SLC2A3: variants seen among roughly 807,000 people sequenced by gnomAD.
The protein encoded by SLC2A3 is solute carrier family 2, facilitated glucose transporter member 3.
Under a neutral mutation model 46.4 loss-of-function variants are expected in SLC2A3, and 21 were observed. The ratio of observed to expected loss-of-function variants is 0.45; its 90% confidence interval spans 0.32 to 0.65. The LOEUF (loss-of-function observed/expected upper bound fraction) is 0.65. Ranked by LOEUF, SLC2A3 falls within the 30% of genes least tolerant of loss-of-function variation. SLC2A3 has a pLI of 0.04. For synonymous variants in SLC2A3, 213 were observed against 239.4 expected (o/e 0.89, Z 1.02); for missense variants, 499 against 623.3 (o/e 0.80, Z 2.12).
At chr12:7,929,616 C>T (rs758871596) in intron 6 of SLC2A3, 68 bp downstream of exon 6, 14 of 1,573,916 alleles carry the variant, frequency 8.9e-6, no homozygotes, top group Middle Eastern at 1.7e-4. Context: ...AGAGGCACAC[C>T]GCCACCATGC....
rs944010333 is a variant in SLC2A3, at chr12:7,931,535, T to A, written c.270-50A>T. 19 of 1,610,238 alleles carry A rather than the reference T, an allele frequency of 1.2e-5. No individual in the cohort carries two copies. The Admixed American group carries it at 2.8e-4, about 24-fold the overall frequency. Reference sequence around the variant, plus strand: ...TAGAATTAGCAAAGTGAGAGGCTCCTAACTTCTCCTCTGTCCTCATTATTC... The same window carrying A: ...TAGAATTAGCAAAGTGAGAGGCTCCAAACTTCTCCTCTGTCCTCATTATTC... On this transcript the variant is annotated intron_variant, in intron 3 of 9. Transcript: ENST00000075120.
intron 6 of SLC2A3, among the ~76,000 whole-genome samples, chr12:7,928,202 A>G (rs1946114636): frequency 6.6e-6 from 1 of 152,056 alleles, no homozygotes; most frequent in Non-Finnish European, 1.5e-5. Flanking sequence ...GATCGAGACC[A>G]TCCTGGCCAA....
At chr12:7,932,160 G>A (rs1422396145) in intron 3 of SLC2A3, among the ~76,000 whole-genome samples, 2 of 151,312 alleles carry the variant, frequency 1.3e-5, no homozygotes, top group African/African-American at 2.4e-5. Context: ...GATTACAGGC[G>A]TGAGCCACGG....
intron 6 of SLC2A3, among the ~76,000 whole-genome samples, chr12:7,928,859 A>C (rs1394929863): frequency 6.6e-6 from 1 of 151,630 alleles, no homozygotes; most frequent in Non-Finnish European, 1.5e-5. Context: ...GGGTCATACT[A>C]TATTTCCCAG....
intron 4 of SLC2A3, among the ~76,000 whole-genome samples, chr12:7,930,902 T>C (rs1216836781): frequency 6.8e-6 from 1 of 147,832 alleles, no homozygotes; most frequent in Admixed American, 6.8e-5. Context: ...GTTCACGCCA[T>C]TCTCCCGCCT....
chr12:7,926,444 T>G (rs921790687), intron 6 of SLC2A3, among the ~76,000 whole-genome samples: 1 of 152,192 alleles, frequency 6.6e-6, no homozygotes, highest in Non-Finnish European at 1.5e-5. Flanking sequence ...ACATTGTTTC[T>G]TCTAAAAATG....
rs1946030726 is a variant in SLC2A3 at position 7,920,943 on chromosome 12, TA to T, written c.*469del. The stretch of plus-strand genomic sequence containing the variant: ...TAATTAAACCAGAGGATAAAATAAA[TA>T]AAACTCAAGTTAATTTGCCACGTAG... On this transcript the variant is annotated 3_prime_UTR_variant, in exon 10 of 10. Transcript: ENST00000075120. 5.8e-6 allele frequency: 1 copy of T among 171,034 alleles called. No individual in the cohort carries two copies. The highest frequency in any genetic ancestry group is 1.3e-5 in the Non-Finnish European group (1 of 77,832). 10.6% of individuals were successfully genotyped at this position (171,034 alleles called of 1,614,324 possible). A position where few individuals can be genotyped will look rare whatever the true frequency, so the allele number is the denominator to read the frequency against.
chr12:7,929,206 G>A (rs759185115), intron 6 of SLC2A3, among the ~76,000 whole-genome samples: 1 of 152,168 alleles, frequency 6.6e-6, no homozygotes, highest in African/African-American at 2.4e-5. Flanking sequence ...GGACAAGGGT[G>A]CTCTTAATAT....
At chr12:7,934,351 G>T (rs1350814113) in intron 1 of SLC2A3, among the ~76,000 whole-genome samples, 1 of 151,980 alleles carries the variant, frequency 6.6e-6, no homozygotes, top group African/African-American at 2.4e-5. Flanking sequence ...GGTGGTGGAG[G>T]GGGTGGTAGT....
chr12:7,924,532 G>C (rs1565602830), intron 7 of SLC2A3, 21 bp from the exon 8 acceptor site: 1 of 1,582,614 alleles, frequency 6.3e-7, no homozygotes, highest in South Asian at 1.1e-5. Context: ...AATATGACAT[G>C]AAACTTCAGT....
Position 7,921,095 on chromosome 12 carries a change from C to T in SLC2A3, c.*318G>A, listed in dbSNP as rs980148921. The T allele has an allele frequency of 3.4e-5, 19 of 559,588 alleles. No individual in the cohort carries two copies. Among genetic ancestry groups the T allele is most frequent in the African/African-American group, 1.3e-4 (7 of 53,484 alleles). 34.7% of individuals were successfully genotyped at this position (559,588 alleles called of 1,614,324 possible). On this transcript the variant is annotated 3_prime_UTR_variant, in exon 10 of 10. Coordinates refer to ENST00000075120, the MANE Select transcript of SLC2A3 (RefSeq NM_006931.3). ...ACCTTACTTTTCCTCTCCTATATCCCCTAGTGCGGCAATATCAGAACCCAA... is the reference window on the plus strand; with the variant it reads ...ACCTTACTTTTCCTCTCCTATATCCTCTAGTGCGGCAATATCAGAACCCAA...
intron 6 of SLC2A3, among the ~76,000 whole-genome samples, chr12:7,928,685 C>T (rs1946120846): frequency 6.6e-6 from 1 of 152,198 alleles, no homozygotes. Flanking sequence ...AGTCCCAGCT[C>T]TGCTGCTCTG....
At chr12:7,935,255 C>A (rs776158911) in intron 1 of SLC2A3, among the ~76,000 whole-genome samples, 1 of 152,078 alleles carries the variant, frequency 6.6e-6, no homozygotes, top group African/African-American at 2.4e-5. Context: ...GGAGTCGAGA[C>A]CAGCCTGACC....
chr12:7,936,087 C>A lies in SLC2A3; in HGVS notation c.-53G>T. The A allele has an allele frequency of 1.3e-6, 2 of 1,499,082 alleles. No homozygotes were observed. The highest frequency in any genetic ancestry group is 1.9e-6 in the Non-Finnish European group (2 of 1,075,856). The allele number at this position is 1,499,082 out of a possible 1,614,324, so 92.9% of individuals were successfully genotyped here. The stretch of plus-strand genomic sequence containing the variant: ...AAAGATCTAGGGGTGATTCCAGAAA[C>A]AGCTTTTTCAGCCAACAAAACCTTC... On this transcript the variant is annotated 5_prime_UTR_variant, in exon 1 of 10. Coordinates refer to ENST00000075120, the MANE Select transcript of SLC2A3 (RefSeq NM_006931.3).
chr12:7,933,276 A>AAC, intron 2 of SLC2A3, 129 bp from the exon 3 acceptor site: 1 of 1,015,728 alleles, frequency 9.8e-7, no homozygotes, highest in South Asian at 1.7e-5. Context: ...AGGGGCAGAT[A>AAC]ACGTATTGGA....
rs763910155 is a variant in SLC2A3 at position 7,930,467 on chromosome 12, G to A, written c.673+13C>T. Reference sequence around the variant, plus strand: ...CCATATAATTCATGTAGTAAGGTGTGAAGGATACTCACTCTGCTTAGCATT... The same window carrying A: ...CCATATAATTCATGTAGTAAGGTGTAAAGGATACTCACTCTGCTTAGCATT... On this transcript the variant is annotated intron_variant, in intron 5 of 9. Transcript: ENST00000075120. The A allele has an allele frequency of 1.2e-6, 2 of 1,611,130 alleles. No individual in the cohort carries two copies. The highest frequency in any genetic ancestry group is 3.3e-5 in the Admixed American group (2 of 59,896).
At chr12:7,928,700 G>C (rs1435513814) in intron 6 of SLC2A3, among the ~76,000 whole-genome samples, 1 of 152,072 alleles carries the variant, frequency 6.6e-6, no homozygotes, top group African/African-American at 2.4e-5. Context: ...GCTCTGGAAA[G>C]TCTCGGGAGC....
Position 7,929,833 on chromosome 12 carries a change from C to T in SLC2A3, c.712G>A (p.Asp238Asn). 2 of 1,613,646 alleles carry T rather than the reference C, an allele frequency of 1.2e-6. No homozygotes were observed. The highest frequency in any genetic ancestry group is 1.7e-6 in the Non-Finnish European group (2 of 1,179,730). Residue 238 changes from aspartate (D) to asparagine (N), a missense_variant, in exon 6 of 10, where the codon GAC becomes AAC. Asp to Asn is a conservative substitution (Grantham distance 23). Coordinates refer to ENST00000075120, the MANE Select transcript of SLC2A3 (RefSeq NM_006931.3). Reference sequence around the variant, plus strand: ...CTCTCATCTTTCATCTCCTGGATGTCTTGGGATACATCCTGGGTGCCCCAC... The same window carrying T: ...CTCTCATCTTTCATCTCCTGGATGTTTTGGGATACATCCTGGGTGCCCCAC... ...RLWGTQDVSQ[D>N]IQEMKDESAR...
chr12:7,925,767 G>T, intron 7 of SLC2A3, 77 bp downstream of exon 7: 1 of 1,113,188 alleles, frequency 9.0e-7, no homozygotes, highest in Non-Finnish European at 1.4e-6. Flanking sequence ...ATGATGGTAG[G>T]GTCATGCAAT....
Sources: gnomAD v4.1 joint callset for allele counts (sites outside exome capture counted in the v4.1 genomes callset) on GRCh38, gnomAD v4.1.1 for gene constraint, MANE v1.5 for transcripts, NCBI Gene and HGNC (gene_info 2026-07-23, HGNC 2026-07-21) for gene names.